The following ARHGAP22 variants were observed in gnomAD, a reference collection of about 807,000 sequenced individuals.
ARHGAP22 encodes the protein rho GTPase-activating protein 22.
A neutral mutation model predicts 59.1 loss-of-function variants in ARHGAP22; 48 were observed. That is an observed-to-expected ratio of 0.81 (90% CI 0.64 to 1.03). The LOEUF (loss-of-function observed/expected upper bound fraction) is 1.03. ARHGAP22 is among the 50% of genes least tolerant of loss of function. The pLI, the probability that ARHGAP22 is intolerant of heterozygous loss-of-function variation, is 0.00. For synonymous variants in ARHGAP22, 445 were observed against 416.4 expected, an observed-to-expected ratio of 1.07 and a Z score of -0.84; for missense variants, 1,015 against 958.7, an observed-to-expected ratio of 1.06 and a Z score of -0.78.
At chr10:48,618,816 AT>A (rs1438357906) in intron 1 of ARHGAP22, among the ~76,000 whole-genome samples, 4 of 152,152 alleles carry the variant, frequency 2.6e-5, no homozygotes, top group African/African-American at 9.7e-5. Context: ...CGCCACTGTT[AT>A]TTAACATAGT....
chr10:48,544,473 C>T (rs1221618368), intron 3 of ARHGAP22, among the ~76,000 whole-genome samples: 3 of 151,976 alleles, frequency 2.0e-5, no homozygotes, highest in African/African-American at 4.8e-5. Flanking sequence ...GTGTTCTCAT[C>T]TAGGCCTGTG....
intron 3 of ARHGAP22, among the ~76,000 whole-genome samples, chr10:48,492,640 G>A (rs750826588): frequency 2.6e-5 from 4 of 151,774 alleles, no homozygotes; most frequent in South Asian, 2.1e-4. Context: ...TACAACCTCC[G>A]CTTCCCAGGT....
Position 48,500,002 on chromosome 10 carries a change from A to C in ARHGAP22, c.323-20238T>G, listed in dbSNP as rs150536665. 9.5e-4 allele frequency among the ~76,000 whole-genome samples: 145 copies of C among 152,230 alleles called. 1 individual carries two copies. Among genetic ancestry groups the C allele is most frequent in the African/African-American group, 3.4e-3 (140 of 41,462 alleles). On this transcript the variant is annotated intron_variant, in intron 3 of 9. Coordinates refer to ENST00000249601, the MANE Select transcript of ARHGAP22 (RefSeq NM_021226.4). ...CAAAAATAGCAAGTGCACTTTTGAA[A>C]GAAAACATAGTGAAGTCCGACCAGC...
At chr10:48,629,234 G>C (rs2061549330) in intron 1 of ARHGAP22, among the ~76,000 whole-genome samples, 1 of 152,196 alleles carries the variant, frequency 6.6e-6, no homozygotes, top group African/African-American at 2.4e-5. Context: ...ACTTAGGACA[G>C]CCTGGAAAGC....
intron 1 of ARHGAP22, among the ~76,000 whole-genome samples, chr10:48,649,229 A>G (rs190418776): frequency 6.6e-6 from 1 of 152,146 alleles, no homozygotes; most frequent in African/African-American, 2.4e-5. Flanking sequence ...TAAGTCCCCT[A>G]TTCTCTCAGG....
intron 1 of ARHGAP22, among the ~76,000 whole-genome samples, chr10:48,602,985 C>T (rs200060738): frequency 2.0e-5 from 3 of 152,110 alleles, no homozygotes; most frequent in Admixed American, 1.3e-4. Context: ...CATGCATGTG[C>T]GCACATGTGA....
At chr10:48,598,667 A>G (rs530907216) in intron 1 of ARHGAP22, among the ~76,000 whole-genome samples, 1 of 152,278 alleles carries the variant, frequency 6.6e-6, no homozygotes, top group African/African-American at 2.4e-5. Flanking sequence ...ATCATTGACT[A>G]AGGCTCCAGA....
At chr10:48,559,309 C>G (rs988301233) in intron 2 of ARHGAP22, among the ~76,000 whole-genome samples, 1 of 152,196 alleles carries the variant, frequency 6.6e-6, no homozygotes, top group Admixed American at 6.5e-5. Context: ...CCCTTTCCCC[C>G]TTCCCCATGT....
intron 3 of ARHGAP22, among the ~76,000 whole-genome samples, chr10:48,530,550 A>G (rs989352072): frequency 1.3e-5 from 2 of 152,210 alleles, no homozygotes; most frequent in Non-Finnish European, 2.9e-5. Context: ...AGAATCTAAA[A>G]AGAACTCAAA....
intron 3 of ARHGAP22, among the ~76,000 whole-genome samples, chr10:48,540,593 A>C (rs1191012866): frequency 2.6e-5 from 4 of 152,106 alleles, no homozygotes; most frequent in African/African-American, 4.8e-5. Flanking sequence ...AAATCTATAT[A>C]TTTTTAGTGG....
chr10:48,627,621 C>T (rs2061496070), intron 1 of ARHGAP22, among the ~76,000 whole-genome samples: 2 of 152,336 alleles, frequency 1.3e-5, no homozygotes, highest in East Asian at 1.9e-4. Flanking sequence ...CAGGGCTGCA[C>T]AGGGCAGGCC....
intron 4 of ARHGAP22, among the ~76,000 whole-genome samples, chr10:48,472,923 A>G (rs966696753): frequency 2.0e-5 from 3 of 152,238 alleles, no homozygotes; most frequent in African/African-American, 7.2e-5. Context: ...GCCACTGTGG[A>G]AAATGGTCTG....
upstream of ARHGAP22, among the ~76,000 whole-genome samples, chr10:48,607,880 C>T (rs115007672): frequency 1.3e-3 from 203 of 152,280 alleles, no homozygotes; most frequent in African/African-American, 4.5e-3. Flanking sequence ...CAGAAGTCTC[C>T]GGAAGGCAGA....
intron 2 of ARHGAP22, among the ~76,000 whole-genome samples, chr10:48,578,037 G>C (rs1039023287): frequency 2.0e-5 from 3 of 151,970 alleles, no homozygotes; most frequent in Non-Finnish European, 4.4e-5. Flanking sequence ...TCGAACTCCT[G>C]ACCTCAAATG....
In ARHGAP22 at chr10:48,450,347, G is replaced by T. The variant is rs1393264956; in HGVS notation, c.1782C>A (p.Arg594=). 5 of 1,593,480 alleles carry T rather than the reference G, an allele frequency of 3.1e-6. No homozygotes were observed. Among genetic ancestry groups the T allele is most frequent in the Admixed American group, 1.7e-5 (1 of 57,618 alleles). ...EPDSPTREHA[R]RSEALQGLVT... ...CCAGCCCCTGTAAGGCCTCGGAGCG[G>T]CGCGCGTGTTCCCGGGTGGGGCTGT... The change falls in exon 9 of 10, where the codon CGC becomes CGA. Residue 594 remains arginine (R), a synonymous_variant. Transcript: ENST00000249601.
intron 2 of ARHGAP22, among the ~76,000 whole-genome samples, chr10:48,576,175 A>G (rs1373792): frequency 0.79 from 119,848 of 152,008 alleles, 47,384 homozygotes; most frequent in East Asian, 0.99. Flanking sequence ...CTGGGTGTGG[A>G]CTGCCAGACA....
At chr10:48,635,327 C>T (rs911377636) in intron 1 of ARHGAP22, among the ~76,000 whole-genome samples, 3 of 152,208 alleles carry the variant, frequency 2.0e-5, no homozygotes, top group Non-Finnish European at 4.4e-5. Context: ...AGAAAAATGC[C>T]TGGGGTTTAG....
chr10:48,493,381 TC>T, intron 3 of ARHGAP22: 1 of 1,480,876 alleles, frequency 6.8e-7, no homozygotes, highest in African/African-American at 1.4e-5. Flanking sequence ...TTAATCGCCC[TC>T]CCCAGTCTCC....
chr10:48,442,764 G>C (rs1256176379), downstream of ARHGAP22, among the ~76,000 whole-genome samples: 1 of 152,230 alleles, frequency 6.6e-6, no homozygotes, highest in Non-Finnish European at 1.5e-5. Flanking sequence ...AGAAGGGAAA[G>C]AGGAAATAAT....
Sources: allele counts gnomAD v4.1 joint callset (sites outside exome capture counted in the v4.1 genomes callset), GRCh38; gene constraint gnomAD v4.1.1; transcripts MANE v1.5; gene names NCBI Gene and HGNC (gene_info 2026-07-23, HGNC 2026-07-21).